The following MRPS9 variants were observed in gnomAD, a reference collection of about 807,000 sequenced individuals.
MRPS9 encodes the protein mitochondrial ribosomal protein S9.
Under a neutral mutation model 59.9 loss-of-function variants are expected in MRPS9, and 45 were observed. The ratio of observed to expected loss-of-function variants is 0.75; its 90% CI spans 0.59 to 0.96. The LOEUF (loss-of-function observed/expected upper bound fraction) is 0.96. Ranked by LOEUF, MRPS9 falls within the 40% of genes least tolerant of loss-of-function variation. The pLI is 0.00. For missense variants in MRPS9, 473 were observed against 481.1 expected (o/e 0.98, Z 0.16); for synonymous variants, 171 against 166.8 (o/e 1.03, Z -0.19).
intron 10 of MRPS9, chr2:105,098,773 T>C (rs1357199271): frequency 6.6e-6 from 1 of 152,332 alleles, no homozygotes; most frequent in East Asian, 1.9e-4. Flanking sequence ...AAGCCTTGTA[T>C]ACAGTAGGAG....
At chr2:105,038,373 G>T (rs1679431740) in intron 1 of MRPS9, 146 bp downstream of exon 1, 3 of 1,040,298 alleles carry the variant, frequency 2.9e-6, no homozygotes, top group Non-Finnish European at 2.7e-6. Context: ...GGTTGGGGGG[G>T]AGGAGGTGGG....
intron 4 of MRPS9, among the ~76,000 whole-genome samples, chr2:105,078,141 C>CTTTTTTTTTT (rs11421327): frequency 6.0e-4 from 76 of 127,106 alleles, no homozygotes; most frequent in African/African-American, 2.1e-3. Flanking sequence ...AATTCTAAGA[C>CTTTTTTTTTT]TTTTTTTTTT....
At chr2:105,091,075 G>T (rs1398450483) in intron 7 of MRPS9, among the ~76,000 whole-genome samples, 1 of 151,898 alleles carries the variant, frequency 6.6e-6, no homozygotes, top group Non-Finnish European at 1.5e-5. Context: ...TGGCTGCTTT[G>T]ATTTTTTTTT....
chr2:105,053,157 A>T (rs1231107014), intron 2 of MRPS9, among the ~76,000 whole-genome samples: 2 of 152,220 alleles, frequency 1.3e-5, no homozygotes, highest in Non-Finnish European at 2.9e-5. Context: ...ATCTGAAGGT[A>T]TAAGTATTTT....
rs190640410 is a variant in MRPS9 at position 105,084,863 on chromosome 2, C to T, written c.490-4121C>T. 1.6e-3 allele frequency among the ~76,000 whole-genome samples: 244 copies of T among 151,796 alleles called. 1 individual carries two copies. The highest frequency in any genetic ancestry group is 0.015 in the South Asian group (72 of 4,802). On this transcript the variant is annotated intron_variant, in intron 5 of 10. Coordinates refer to ENST00000258455, the MANE Select transcript of MRPS9 (RefSeq NM_182640.3). ...ATTACCATTGTATATCTGGTATGCT[C>T]CAAGTGTACCAATTAAGAAAATTAA...
chr2:105,085,598 T>C (rs1558761462), intron 5 of MRPS9, among the ~76,000 whole-genome samples: 1 of 152,190 alleles, frequency 6.6e-6, no homozygotes, highest in African/African-American at 2.4e-5. Flanking sequence ...TAAGCATTTC[T>C]TTTCTGCAAC....
At chr2:105,056,152 C>T (rs1218431735) in intron 2 of MRPS9, among the ~76,000 whole-genome samples, 4 of 150,940 alleles carry the variant, frequency 2.7e-5, no homozygotes, top group African/African-American at 9.7e-5. Flanking sequence ...TGTACATTGC[C>T]ACATTTTATC....
chr2:105,075,301 G>A (rs1350178890), intron 4 of MRPS9, among the ~76,000 whole-genome samples: 2 of 152,096 alleles, frequency 1.3e-5, no homozygotes, highest in Non-Finnish European at 2.9e-5. Context: ...CTCTTACTGC[G>A]AAACACCCAC....
In MRPS9 at chr2:105,077,444, G is replaced by A. The variant is rs151216601; in HGVS notation, c.410-2539G>A. ...CCGTAAAAAGAGTGAGATAGAGCTA[G>A]TTGTGCTAGTAGAGGTGTAACTTTG... On this transcript the variant is annotated intron_variant, in intron 4 of 10. Coordinates refer to ENST00000258455, the MANE Select transcript of MRPS9 (RefSeq NM_182640.3). Among the ~76,000 whole-genome samples the A allele has an allele frequency of 3.3e-3, 496 of 152,214 alleles. 2 individuals are homozygous for A. The highest frequency in any genetic ancestry group is 0.011 in the African/African-American group (469 of 41,558).
chr2:105,048,028 C>T (rs1012431019), intron 1 of MRPS9, among the ~76,000 whole-genome samples: 1 of 152,014 alleles, frequency 6.6e-6, no homozygotes, highest in Non-Finnish European at 1.5e-5. Flanking sequence ...TCTCCACATC[C>T]TCTCCATAAA....
chr2:105,091,201 A>G (rs1398764595), intron 7 of MRPS9: 2 of 448,462 alleles, frequency 4.5e-6, no homozygotes, highest in Non-Finnish European at 9.3e-6. Flanking sequence ...GGGGTACTGG[A>G]TATCAGAAGA....
At chr2:105,043,943 T>C (rs1573414157) in intron 1 of MRPS9, among the ~76,000 whole-genome samples, 4 of 149,216 alleles carry the variant, frequency 2.7e-5, no homozygotes, top group African/African-American at 9.9e-5. Context: ...GCAATTTTTT[T>C]TTTTTTTTCT....
intron 1 of MRPS9, 58 bp from the exon 2 acceptor site, chr2:105,049,113 G>T: frequency 8.7e-7 from 1 of 1,147,946 alleles, no homozygotes. Flanking sequence ...AAGGACAATG[G>T]CCTAGAAGAT....
chr2:105,048,363 G>A (rs1278354961), intron 1 of MRPS9, among the ~76,000 whole-genome samples: 3 of 151,628 alleles, frequency 2.0e-5, no homozygotes, highest in African/African-American at 4.9e-5. Flanking sequence ...GGGATGGGGG[G>A]AGGGGAGAGG....
chr2:105,086,863 C>T (rs953222859), intron 5 of MRPS9, among the ~76,000 whole-genome samples: 3 of 152,100 alleles, frequency 2.0e-5, no homozygotes, highest in Non-Finnish European at 2.9e-5. Flanking sequence ...GTGCTGGGTG[C>T]GCAGTGGCAT....
At chr2:105,080,624 G>A (rs1380882840) in intron 5 of MRPS9, among the ~76,000 whole-genome samples, 2 of 152,158 alleles carry the variant, frequency 1.3e-5, no homozygotes, top group Non-Finnish European at 2.9e-5. Context: ...GTGTCTGATA[G>A]TGTGCAAATT....
At chr2:105,079,130 C>T (rs923678090) in intron 4 of MRPS9, among the ~76,000 whole-genome samples, 2 of 152,046 alleles carry the variant, frequency 1.3e-5, no homozygotes, top group African/African-American at 2.4e-5. Flanking sequence ...AGAGGAAAAG[C>T]GACAGATTTG....
intron 2 of MRPS9, among the ~76,000 whole-genome samples, chr2:105,067,084 A>G (rs1680014716): frequency 6.6e-6 from 1 of 152,206 alleles, no homozygotes; most frequent in Non-Finnish European, 1.5e-5. Context: ...ACTGCACATT[A>G]TAAACTTAAC....
At chr2:105,049,794 C>T (rs905158862) in intron 2 of MRPS9, among the ~76,000 whole-genome samples, 1 of 152,150 alleles carries the variant, frequency 6.6e-6, no homozygotes, top group African/African-American at 2.4e-5. Flanking sequence ...GAATTCTATT[C>T]ACTCTTGAAT....
Sources: gnomAD v4.1 joint callset for allele counts (sites outside exome capture counted in the v4.1 genomes callset) on GRCh38, gnomAD v4.1.1 for gene constraint, MANE v1.5 for transcripts, NCBI Gene and HGNC (gene_info 2026-07-23, HGNC 2026-07-21) for gene names.